Variants in IL22RA2 observed in about 807,000 individuals in gnomAD.
The protein encoded by IL22RA2 is interleukin-22 receptor subunit alpha-2.
In IL22RA2, 39 loss-of-function variants were observed where a neutral mutation model predicts 30.7. That is an observed-to-expected ratio of 1.27 (90% confidence interval 0.98 to 1.66). The LOEUF (loss-of-function observed/expected upper bound fraction) is 1.66, where lower values mean the gene tolerates loss of function less well. Among genes scored for constraint, IL22RA2 ranks in the 40% most tolerant of loss-of-function variants. The pLI is 0.00. For missense variants in IL22RA2, 315 were observed against 312.7 expected (o/e 1.01, Z -0.05); for synonymous variants, 103 against 105.0 (o/e 0.98, Z 0.11).
chr6:137,162,258 G>T (rs1053370047), intron 1 of IL22RA2, among the ~76,000 whole-genome samples: 5 of 152,194 alleles, frequency 3.3e-5, no homozygotes, highest in Non-Finnish European at 7.3e-5. Context: ...AGCAAGAGGG[G>T]TCTATCGTTG....
At chr6:137,170,031 A>G (rs1361756283) in intron 1 of IL22RA2, among the ~76,000 whole-genome samples, 1 of 152,216 alleles carries the variant, frequency 6.6e-6, no homozygotes, top group Non-Finnish European at 1.5e-5. Flanking sequence ...TTGTGGCCAT[A>G]AAAGGTGGAT....
chr6:137,154,912 C>A lies in IL22RA2; in HGVS notation c.472+29G>T, dbSNP rs988202284. On this transcript the variant is annotated intron_variant, in intron 5 of 6. Transcript: ENST00000296980. ...GAGGGCTGTCCAAAAGCAGGAAGAACAAGGGCAAAGAAACTCCATGGAACT... is the reference window on the plus strand; with the variant it reads ...GAGGGCTGTCCAAAAGCAGGAAGAAAAAGGGCAAAGAAACTCCATGGAACT... 1.9e-6 allele frequency: 3 copies of A among 1,610,060 alleles called. No individual in the cohort carries two copies. In the African/African-American group the frequency reaches 4.0e-5, roughly 22 times the overall value.
intron 5 of IL22RA2, among the ~76,000 whole-genome samples, chr6:137,150,542 C>T (rs1778270732): frequency 8.3e-6 from 1 of 120,360 alleles, no homozygotes; most frequent in Non-Finnish European, 1.6e-5. Context: ...ACAAACCCTT[C>T]TTAACTCAAC....
At chr6:137,147,938 T>C (rs756526805) in intron 5 of IL22RA2, 47 bp from the exon 6 acceptor site, 2 of 1,506,954 alleles carry the variant, frequency 1.3e-6, no homozygotes, top group Non-Finnish European at 1.8e-6. Context: ...AGGAATGTAT[T>C]ATATACAGAC....
At chr6:137,172,389 T>C (rs1362603633) in intron 1 of IL22RA2, among the ~76,000 whole-genome samples, 3 of 152,264 alleles carry the variant, frequency 2.0e-5, no homozygotes, top group Non-Finnish European at 4.4e-5. Context: ...AGACCAGTTC[T>C]GTCACTGTTC....
chr6:137,167,782 C>T (rs1006285577), intron 1 of IL22RA2, among the ~76,000 whole-genome samples: 12 of 152,206 alleles, frequency 7.9e-5, no homozygotes, highest in African/African-American at 2.4e-4. Flanking sequence ...CAAGCCACTG[C>T]TGACAAGGAC....
At chr6:137,172,984 A>G (rs1227657060) in intron 1 of IL22RA2, among the ~76,000 whole-genome samples, 1 of 152,284 alleles carries the variant, frequency 6.6e-6, no homozygotes, top group Middle Eastern at 3.4e-3. Context: ...CCATGAGCTG[A>G]TAACTGTTGA....
chr6:137,166,953 G>A (rs1778637482), intron 1 of IL22RA2, among the ~76,000 whole-genome samples: 1 of 152,210 alleles, frequency 6.6e-6, no homozygotes, highest in Non-Finnish European at 1.5e-5. Flanking sequence ...CTGCATGTGG[G>A]CTTTACTGAG....
intron 1 of IL22RA2, among the ~76,000 whole-genome samples, chr6:137,168,375 C>A (rs910137937): frequency 3.9e-5 from 6 of 152,140 alleles, no homozygotes; most frequent in African/African-American, 7.2e-5. Flanking sequence ...ATATACAAAC[C>A]CCACAGAAAC....
intron 4 of IL22RA2, 73 bp downstream of exon 4, chr6:137,156,686 C>T (rs2064501): frequency 0.51 from 792,369 of 1,557,572 alleles, 209,565 homozygotes; most frequent in African/African-American, 0.86. Context: ...GAAATTTATA[C>T]AATCTTGGTC....
intron 5 of IL22RA2, among the ~76,000 whole-genome samples, chr6:137,151,099 C>T (rs770294134): frequency 1.3e-5 from 2 of 152,032 alleles, no homozygotes; most frequent in African/African-American, 4.8e-5. Flanking sequence ...TTGCAAGGAA[C>T]CCATAATAGT....
intron 4 of IL22RA2, 86 bp from the exon 5 acceptor site, chr6:137,155,205 C>T: frequency 3.1e-6 from 3 of 978,318 alleles, no homozygotes; most frequent in Non-Finnish European, 4.5e-6. Context: ...TTTTTTATAC[C>T]TGATTCTAGT....
chr6:137,146,608 C>T (rs532877183), intron 6 of IL22RA2, among the ~76,000 whole-genome samples: 1 of 152,226 alleles, frequency 6.6e-6, no homozygotes, highest in African/African-American at 2.4e-5. Context: ...CTGCTCCTTA[C>T]GACAAAAACC....
chr6:137,164,879 C>T (rs909537082), intron 1 of IL22RA2, among the ~76,000 whole-genome samples: 1 of 152,212 alleles, frequency 6.6e-6, no homozygotes, highest in Non-Finnish European at 1.5e-5. Context: ...AACATACTCC[C>T]TCCTATAGAG....
intron 1 of IL22RA2, among the ~76,000 whole-genome samples, chr6:137,170,289 G>T (rs890071229): frequency 6.6e-6 from 1 of 152,206 alleles, no homozygotes; most frequent in African/African-American, 2.4e-5. Flanking sequence ...TATAACCTAA[G>T]AGTAGTAGTA....
chr6:137,154,918 C>G, intron 5 of IL22RA2, 23 bp downstream of exon 5: 2 of 1,611,468 alleles, frequency 1.2e-6, no homozygotes, highest in East Asian at 2.2e-5. Flanking sequence ...AGAACAAGGG[C>G]AAAGAAACTC....
intron 2 of IL22RA2, among the ~76,000 whole-genome samples, chr6:137,158,932 C>T (rs976893237): frequency 6.6e-6 from 1 of 152,174 alleles, no homozygotes. Flanking sequence ...AGCACTCAGT[C>T]CCTCCTTTCG....
At chr6:137,164,048 G>C (rs1477826941) in intron 1 of IL22RA2, among the ~76,000 whole-genome samples, 1 of 152,140 alleles carries the variant, frequency 6.6e-6, no homozygotes, top group Non-Finnish European at 1.5e-5. Flanking sequence ...GACCCAGTCT[G>C]GTGGATCCAA....
chr6:137,158,060 T>C (rs909799792), intron 3 of IL22RA2, among the ~76,000 whole-genome samples: 2 of 152,174 alleles, frequency 1.3e-5, no homozygotes, highest in Admixed American at 6.5e-5. Flanking sequence ...CAAATCTATA[T>C]TGAGAACCCA....
Sources: gnomAD v4.1 joint callset for allele counts (sites outside exome capture counted in the v4.1 genomes callset) on GRCh38, gnomAD v4.1.1 for gene constraint, MANE v1.5 for transcripts, NCBI Gene and HGNC (gene_info 2026-07-23, HGNC 2026-07-21) for gene names.